Variants in RPS19 observed in about 807,000 individuals in gnomAD.
RPS19 encodes small ribosomal subunit protein eS19.
Under a neutral mutation model 20.3 loss-of-function variants are expected in RPS19, and 1 was observed. The observed-to-expected ratio is 0.05, with a 90% CI of 0.02 to 0.23. The LOEUF is 0.23. RPS19 is among the 10% of genes least tolerant of loss of function. The pLI, the probability that RPS19 is intolerant of heterozygous loss-of-function variation, is 1.00. For synonymous variants in RPS19, 87 were observed against 74.8 expected (o/e 1.16, Z -0.84); for missense variants, 111 against 192.7 (o/e 0.58, Z 2.51).
intron 3 of RPS19, among the ~76,000 whole-genome samples, 156 bp from the exon 4 acceptor site, chr19:41,868,875 T>G (rs1255247696): frequency 2.1e-5 from 3 of 142,208 alleles, no homozygotes; most frequent in African/African-American, 7.8e-5. Flanking sequence ...GCCGGGGGGG[T>G]GGGTGAGGAG....
chr19:41,861,416 G>A (rs1218600351), intron 3 of RPS19: 2 of 596,462 alleles, frequency 3.4e-6, no homozygotes, highest in Admixed American at 2.7e-5. Flanking sequence ...TGTGAGAGGA[G>A]GACCTGTGGC....
chr19:41,871,042 T>C (rs1184006216), intron 5 of RPS19, among the ~76,000 whole-genome samples: 2 of 151,784 alleles, frequency 1.3e-5, no homozygotes, highest in African/African-American at 4.8e-5. Flanking sequence ...TTTATATTTT[T>C]AGTAGAGACA....
intron 3 of RPS19, chr19:41,861,480 G>A (rs1477608967): frequency 2.0e-5 from 10 of 490,014 alleles, no homozygotes; most frequent in Non-Finnish European, 2.6e-5. Context: ...TTGCTTACAG[G>A]TGGTTTAATC....
At position 41,861,092 on chromosome 19, in the gene RPS19, T is replaced by C; in HGVS notation, c.72-20T>C. On this transcript the variant is annotated intron_variant, in intron 2 of 5. Coordinates refer to ENST00000598742, the MANE Select transcript of RPS19 (RefSeq NM_001022.4). The stretch of plus-strand genomic sequence containing the variant: ...TGTGGAGATGACTGAATCGTGCTTT[T>C]CCCACTGTTTTGGTCTTAGGTCCGG... 6.3e-7 allele frequency: 1 copy of C among 1,596,810 alleles called. No homozygotes were observed. Among genetic ancestry groups the C allele is most frequent in the South Asian group, 1.1e-5 (1 of 90,768 alleles).
intron 3 of RPS19, chr19:41,863,842 CTT>C (rs3035799): frequency 0.42 from 49,078 of 116,538 alleles, 10,695 homozygotes; most frequent in Middle Eastern, 0.7. Context: ...CCCGGACAGG[CTT>C]TTTTTTTTTT....
intron 3 of RPS19, among the ~76,000 whole-genome samples, chr19:41,868,808 C>G (rs138923456): frequency 5.3e-4 from 80 of 151,722 alleles, no homozygotes; most frequent in Non-Finnish European, 9.9e-4. Context: ...GAAGTTGGCC[C>G]TGGAGATGGT....
intron 5 of RPS19, among the ~76,000 whole-genome samples, chr19:41,870,927 A>G (rs999581034): frequency 6.4e-5 from 8 of 125,788 alleles, no homozygotes; most frequent in African/African-American, 1.5e-4. Context: ...CAGTGGTGCA[A>G]TGTCAGCTCA....
chr19:41,865,946 C>CT (rs1296770185), intron 3 of RPS19, among the ~76,000 whole-genome samples: 4 of 47,536 alleles, frequency 8.4e-5, no homozygotes, highest in Admixed American at 3.1e-4. Flanking sequence ...GAGACTCCGT[C>CT]TTTAAAAAAA....
chr19:41,868,254 C>G (rs913098577), intron 3 of RPS19, among the ~76,000 whole-genome samples: 1 of 152,178 alleles, frequency 6.6e-6, no homozygotes, highest in African/African-American at 2.4e-5. Context: ...AGTGGCAGGA[C>G]AGGGCAGTTC....
rs1555842160 is a variant in RPS19 at position 41,872,162 on chromosome 19, G to A, written c.*785G>A. On this transcript the variant is annotated 3_prime_UTR_variant, in exon 6 of 6. Transcript: ENST00000598742. ...TGCAGTCGTGCACGGCAAGTGGGAT[G>A]TGGCCTCCGCCCATGATTGGGCACC... 6.6e-6 allele frequency: 1 copy of A among 152,304 alleles called. No homozygotes were observed. Among genetic ancestry groups the A allele is most frequent in the African/African-American group, 2.4e-5 (1 of 41,476 alleles). 9.4% of individuals were successfully genotyped at this position (152,304 alleles called of 1,614,324 possible).
intron 4 of RPS19, 72 bp downstream of exon 4, chr19:41,869,286 T>A: frequency 7.3e-7 from 1 of 1,375,620 alleles, no homozygotes; most frequent in Non-Finnish European, 1.0e-6. Context: ...CAACGAATGG[T>A]CCTGCATAGT....
Position 41,871,491 on chromosome 19 carries a change from A to G in RPS19, c.*114A>G. The G allele has an allele frequency of 1.1e-6, 1 of 885,820 alleles. No homozygotes were observed. Among genetic ancestry groups the G allele is most frequent in the Non-Finnish European group, 1.9e-6 (1 of 533,766 alleles). The allele number at this position is 885,820 out of a possible 1,614,324, so 54.9% of individuals were successfully genotyped here. ...GAGTGCAGTGGCGCCATCTCAGCTC[A>G]CTGCAATCTCCGCCTTCTGGGTTCA... is the stretch of plus-strand genomic sequence containing the variant. On this transcript the variant is annotated 3_prime_UTR_variant, in exon 6 of 6. Coordinates refer to ENST00000598742, the MANE Select transcript of RPS19 (RefSeq NM_001022.4).
At position 41,861,288 on chromosome 19, in the gene RPS19, T is replaced by G; in HGVS notation, c.172+76T>G. 3 of 1,062,930 alleles carry G rather than the reference T, an allele frequency of 2.8e-6. No individual in the cohort carries two copies. The South Asian group carries it at 3.8e-5, about 14-fold the overall frequency. The allele number at this position is 1,062,930 out of a possible 1,614,324, so 65.8% of individuals were successfully genotyped here. On this transcript the variant is annotated intron_variant, in intron 3 of 5. Coordinates refer to ENST00000598742, the MANE Select transcript of RPS19 (RefSeq NM_001022.4). Reference sequence around the variant, plus strand: ...GCACAAACCATACTTCCCTGTCTCCTCTGAGCTCTTTCCCGCCCCAAGAGG... The same window carrying G: ...GCACAAACCATACTTCCCTGTCTCCGCTGAGCTCTTTCCCGCCCCAAGAGG...
chr19:41,863,885 C>T (rs1555839892), intron 3 of RPS19: 1 of 146,774 alleles, frequency 6.8e-6, no homozygotes, highest in African/African-American at 2.5e-5. Context: ...GCACTGTCAC[C>T]AGGCTGGAGT....
chr19:41,865,623 C>T (rs887483359), intron 3 of RPS19, among the ~76,000 whole-genome samples: 12 of 152,062 alleles, frequency 7.9e-5, no homozygotes, highest in Non-Finnish European at 1.5e-4. Context: ...GGCATCTCTG[C>T]GCTTAGGAGT....
chr19:41,862,485 C>T (rs1324023883), intron 3 of RPS19, among the ~76,000 whole-genome samples: 1 of 152,064 alleles, frequency 6.6e-6, no homozygotes, highest in African/African-American at 2.4e-5. Flanking sequence ...ATCTCCTCCA[C>T]CTGTCCCCCC....
intron 3 of RPS19, among the ~76,000 whole-genome samples, chr19:41,866,593 G>A (rs2074092717): frequency 6.6e-6 from 1 of 152,194 alleles, no homozygotes. Flanking sequence ...GAGGTAGTGA[G>A]CCAACAGCAG....
chr19:41,866,350 C>A (rs2074089717), intron 3 of RPS19, among the ~76,000 whole-genome samples: 1 of 152,204 alleles, frequency 6.6e-6, no homozygotes, highest in Admixed American at 6.5e-5. Context: ...CACCCAGAGC[C>A]CCAGGGCACA....
chr19:41,869,404 G>T (rs569016363), intron 4 of RPS19, among the ~76,000 whole-genome samples, 190 bp downstream of exon 4: 1 of 152,358 alleles, frequency 6.6e-6, no homozygotes, highest in East Asian at 1.9e-4. Context: ...ACTAGCCCAG[G>T]CTCCAGGAGG....
Sources: gnomAD v4.1 joint callset for allele counts (sites outside exome capture counted in the v4.1 genomes callset) on GRCh38, gnomAD v4.1.1 for gene constraint, MANE v1.5 for transcripts, NCBI Gene and HGNC (gene_info 2026-07-23, HGNC 2026-07-21) for gene names.